The following CTNNA2 variants were observed in gnomAD, a reference collection of about 807,000 sequenced individuals.
CTNNA2 encodes the protein catenin alpha 2.
Under a neutral mutation model 101.0 loss-of-function variants are expected in CTNNA2, and 42 were observed. The observed-to-expected ratio is 0.42, with a 90% CI of 0.32 to 0.54. CTNNA2 has a LOEUF of 0.54. CTNNA2 is among the 20% of genes least tolerant of loss of function. The probability of loss-of-function intolerance (pLI) is 0.14; values close to 1 mark genes in which losing one functional copy is unlikely to be tolerated. For missense variants in CTNNA2, 871 were observed against 1,223.1 expected, an observed-to-expected ratio of 0.71 and a Z score of 4.29; for synonymous variants, 450 against 456.4, an observed-to-expected ratio of 0.99 and a Z score of 0.18.
chr2:79,966,483 G>A (rs1432540480), intron 7 of CTNNA2, among the ~76,000 whole-genome samples: 2 of 152,100 alleles, frequency 1.3e-5, no homozygotes, highest in African/African-American at 4.8e-5. Flanking sequence ...TGATCCTCCC[G>A]CCTTGGCTTC....
chr2:80,220,310 C>T (rs561715772), intron 7 of CTNNA2, among the ~76,000 whole-genome samples: 121 of 152,356 alleles, frequency 7.9e-4, no homozygotes, highest in African/African-American at 2.1e-3. Context: ...ACACTCAGGA[C>T]GTCTGCCACA....
intron 7 of CTNNA2, chr2:80,313,302 A>C: frequency 2.0e-6 from 2 of 1,012,090 alleles, no homozygotes; most frequent in Middle Eastern, 3.9e-4. Flanking sequence ...ATGCCTTTCT[A>C]ATTATTTAAC....
chr2:80,338,302 C>CTTTTTTTT (rs551404160), intron 7 of CTNNA2, among the ~76,000 whole-genome samples: 2 of 134,216 alleles, frequency 1.5e-5, no homozygotes, highest in African/African-American at 2.7e-5. Flanking sequence ...TTTTCTTTTT[C>CTTTTTTTT]TTTTTTTTTT....
intron 1 of CTNNA2, among the ~76,000 whole-genome samples, chr2:79,626,262 C>T (rs906879586): frequency 6.6e-6 from 1 of 152,120 alleles, no homozygotes; most frequent in Non-Finnish European, 1.5e-5. Context: ...GAAGGCACAA[C>T]CAGGGAGCAG....
intron 2 of CTNNA2, among the ~76,000 whole-genome samples, chr2:79,675,918 T>C (rs1683155211): frequency 6.6e-6 from 1 of 152,248 alleles, no homozygotes; most frequent in African/African-American, 2.4e-5. Flanking sequence ...CTAATCAATG[T>C]CAGGTACATC....
At chr2:80,367,250 G>A (rs1675023399) in intron 7 of CTNNA2, among the ~76,000 whole-genome samples, 1 of 152,068 alleles carries the variant, frequency 6.6e-6, no homozygotes. Flanking sequence ...TCTATTCTGG[G>A]TGCTGCTGAA....
At chr2:79,570,041 C>T (rs1675366246) in intron 1 of CTNNA2, among the ~76,000 whole-genome samples, 1 of 152,168 alleles carries the variant, frequency 6.6e-6, no homozygotes, top group South Asian at 2.1e-4. Flanking sequence ...TATATCTTGA[C>T]TCCTTAATGT....
At chr2:79,539,807 G>A (rs1001605137) in intron 1 of CTNNA2, among the ~76,000 whole-genome samples, 2 of 152,088 alleles carry the variant, frequency 1.3e-5, no homozygotes, top group African/African-American at 4.8e-5. Context: ...ATGGAAATTA[G>A]GGGGGCTGTG....
At chr2:80,315,162 A>G (rs898621936) in intron 7 of CTNNA2, among the ~76,000 whole-genome samples, 1 of 152,160 alleles carries the variant, frequency 6.6e-6, no homozygotes, top group African/African-American at 2.4e-5. Context: ...AAATAATCAT[A>G]AGCACAAATT....
chr2:79,864,465 T>C (rs1681873224), intron 4 of CTNNA2, among the ~76,000 whole-genome samples: 1 of 152,048 alleles, frequency 6.6e-6, no homozygotes, highest in Non-Finnish European at 1.5e-5. Flanking sequence ...ATATAGGTTA[T>C]GGGGAGCCAC....
chr2:80,262,380 C>G (rs1672675189), intron 7 of CTNNA2, among the ~76,000 whole-genome samples: 1 of 152,096 alleles, frequency 6.6e-6, no homozygotes, highest in Admixed American at 6.5e-5. Context: ...TGGATAGTTT[C>G]CAGGATTTCA....
intron 2 of CTNNA2, among the ~76,000 whole-genome samples, chr2:79,276,975 C>G (rs1003118966): frequency 1.1e-4 from 17 of 152,144 alleles, no homozygotes; most frequent in Non-Finnish European, 1.5e-4. Context: ...TGTGCACACA[C>G]ACATTGTGTT....
At chr2:80,626,370 A>G (rs185968778) in intron 18 of CTNNA2, among the ~76,000 whole-genome samples, 1 of 151,972 alleles carries the variant, frequency 6.6e-6, no homozygotes, top group African/African-American at 2.4e-5. Context: ...CACCTTTCCA[A>G]TTTTCATGTA....
intron 15 of CTNNA2, among the ~76,000 whole-genome samples, chr2:80,590,135 C>T (rs1696336597): frequency 6.6e-6 from 1 of 152,186 alleles, no homozygotes; most frequent in Admixed American, 6.6e-5. Flanking sequence ...GACTTTTCTT[C>T]AACAAGGGTT....
intron 9 of CTNNA2, among the ~76,000 whole-genome samples, chr2:80,449,372 A>G (rs1683316244): frequency 6.6e-6 from 1 of 152,166 alleles, no homozygotes; most frequent in Admixed American, 6.5e-5. Flanking sequence ...TTGTAGCAGT[A>G]ATATCTGTTC....
intron 18 of CTNNA2, among the ~76,000 whole-genome samples, chr2:80,631,073 C>A (rs964082474): frequency 2.6e-5 from 4 of 152,148 alleles, no homozygotes; most frequent in Admixed American, 2.0e-4. Context: ...AATAATGATG[C>A]AACCTTTACA....
intron 9 of CTNNA2, among the ~76,000 whole-genome samples, chr2:80,538,226 A>G (rs536987388): frequency 8.2e-4 from 125 of 152,200 alleles, no homozygotes; most frequent in African/African-American, 2.6e-3. Context: ...CTTTAGTTTG[A>G]TTAGATCCAA....
At chr2:79,601,343 A>T (rs1325246091) in intron 1 of CTNNA2, among the ~76,000 whole-genome samples, 3 of 152,174 alleles carry the variant, frequency 2.0e-5, no homozygotes, top group African/African-American at 7.2e-5. Flanking sequence ...AGATCATGTG[A>T]CCTCAAGCCA....
intron 7 of CTNNA2, among the ~76,000 whole-genome samples, chr2:80,311,430 C>CTT (rs1677577310): frequency 6.6e-6 from 1 of 152,154 alleles, no homozygotes; most frequent in Non-Finnish European, 1.5e-5. Flanking sequence ...ACCTGTATTT[C>CTT]TGTCTGCCTT....
Sources: gnomAD v4.1 joint callset for allele counts (sites outside exome capture counted in the v4.1 genomes callset) on GRCh38, gnomAD v4.1.1 for gene constraint, MANE v1.5 for transcripts, NCBI Gene and HGNC (gene_info 2026-07-23, HGNC 2026-07-21) for gene names.